Variants in FARS2 observed in about 807,000 individuals in gnomAD.
FARS2 encodes phenylalanine--tRNA ligase, mitochondrial.
FARS2 carries 40 observed loss-of-function variants against 46.4 expected under a neutral mutation model. The ratio of observed to expected loss-of-function variants is 0.86; its 90% CI spans 0.67 to 1.12. The LOEUF (loss-of-function observed/expected upper bound fraction) is 1.12, where lower values mean the gene tolerates loss of function less well. FARS2 is among the 50% of genes most tolerant of loss of function. FARS2 has a pLI of 0.00. For missense variants in FARS2, 513 were observed against 567.9 expected (o/e 0.90, Z 0.98); for synonymous variants, 234 against 214.9 (o/e 1.09, Z -0.78).
In FARS2 at chr6:5,723,645, C is replaced by T. The variant is rs189177944; in HGVS notation, c.1218-47646C>T. ...CCTTTCTTTATGTAACTGGGAAAAA[C>T]CAAGAATGAAGCAGGTTTGTTTTTG... On this transcript the variant is annotated intron_variant, in intron 6 of 6. Coordinates refer to ENST00000274680, the MANE Select transcript of FARS2 (RefSeq NM_006567.5). Among the ~76,000 whole-genome samples, 472 of 152,286 alleles carry T rather than the reference C, an allele frequency of 3.1e-3. 1 individual carries two copies. The highest frequency in any genetic ancestry group is 5.8e-3 in the Non-Finnish European group (397 of 68,012).
Position 5,289,652 on chromosome 6 carries a change from A to G in FARS2, c.-22+27992A>G, listed in dbSNP as rs1474395660. Among the ~76,000 whole-genome samples the G allele has an allele frequency of 2.0e-5, 3 of 152,208 alleles. No homozygotes were observed. In the East Asian group the frequency reaches 5.8e-4, roughly 29 times the overall value. ...GCCTGTGACCAGTCTGATTGGTTGC[A>G]GGAGGGGACTAATCAGAGGCTGAAG... On this transcript the variant is annotated intron_variant, in intron 1 of 6. Transcript: ENST00000274680.
At chr6:5,383,723 AT>A (rs2127673959) in intron 2 of FARS2, among the ~76,000 whole-genome samples, 1 of 149,540 alleles carries the variant, frequency 6.7e-6, no homozygotes, top group Non-Finnish European at 1.5e-5. Flanking sequence ...AATGTCAATT[AT>A]GTATCTTGTG....
chr6:5,414,446 A>G (rs1045185908), intron 3 of FARS2, among the ~76,000 whole-genome samples: 3 of 152,132 alleles, frequency 2.0e-5, no homozygotes, highest in Admixed American at 1.3e-4. Flanking sequence ...CTAGGTAACT[A>G]GTGATCTGCT....
intron 6 of FARS2, among the ~76,000 whole-genome samples, chr6:5,728,603 G>A (rs955692262): frequency 2.6e-5 from 4 of 152,188 alleles, no homozygotes; most frequent in African/African-American, 9.6e-5. Flanking sequence ...GCCGTGGATA[G>A]CTATAACTAG....
intron 4 of FARS2, among the ~76,000 whole-genome samples, chr6:5,444,436 C>CAG (rs1343602691): frequency 7.7e-6 from 1 of 129,352 alleles, no homozygotes; most frequent in Non-Finnish European, 1.5e-5. Context: ...CATTGCACTC[C>CAG]AGCCTGGGTG....
intron 4 of FARS2, among the ~76,000 whole-genome samples, chr6:5,461,381 T>TC (rs1469394682): frequency 6.6e-6 from 1 of 152,198 alleles, no homozygotes; most frequent in Non-Finnish European, 1.5e-5. Flanking sequence ...AGCCAGTTTT[T>TC]CTCCCTGGGA....
At chr6:5,547,978 G>T (rs1425829510) in intron 5 of FARS2, among the ~76,000 whole-genome samples, 1 of 152,250 alleles carries the variant, frequency 6.6e-6, no homozygotes, top group African/African-American at 2.4e-5. Context: ...GGAAGAAAAA[G>T]AGGTTTAATT....
intron 4 of FARS2, among the ~76,000 whole-genome samples, chr6:5,527,733 A>G (rs184699087): frequency 5.8e-4 from 88 of 152,356 alleles, no homozygotes; most frequent in Non-Finnish European, 9.8e-4. Context: ...ATTCAATTCA[A>G]GCAACTAAAA....
chr6:5,697,535 A>T (rs939621459), intron 6 of FARS2, among the ~76,000 whole-genome samples: 7 of 152,212 alleles, frequency 4.6e-5, no homozygotes, highest in African/African-American at 1.7e-4. Flanking sequence ...TGAGTATCCA[A>T]TGCAATACTC....
chr6:5,645,603 T>G (rs1777037743), intron 6 of FARS2, among the ~76,000 whole-genome samples: 1 of 152,208 alleles, frequency 6.6e-6, no homozygotes. Context: ...TTCCTCTGTG[T>G]GCATGAACTG....
At chr6:5,695,510 G>A (rs1199048437) in intron 6 of FARS2, among the ~76,000 whole-genome samples, 1 of 152,250 alleles carries the variant, frequency 6.6e-6, no homozygotes, top group Non-Finnish European at 1.5e-5. Flanking sequence ...CGTGCACTCA[G>A]TTGTAACCAC....
At chr6:5,423,801 C>T (rs1395831624) in intron 3 of FARS2, among the ~76,000 whole-genome samples, 1 of 152,128 alleles carries the variant, frequency 6.6e-6, no homozygotes, top group Non-Finnish European at 1.5e-5. Context: ...ATATATGGCG[C>T]TCTTAAAGAG....
intron 2 of FARS2, among the ~76,000 whole-genome samples, chr6:5,380,692 T>A (rs904243988): frequency 2.0e-5 from 3 of 152,168 alleles, no homozygotes; most frequent in African/African-American, 7.2e-5. Context: ...ACACTCTTGC[T>A]ATTTGACCAA....
intron 6 of FARS2, among the ~76,000 whole-genome samples, chr6:5,667,350 G>T (rs780308461): frequency 1.4e-4 from 22 of 151,866 alleles, no homozygotes; most frequent in Non-Finnish European, 2.5e-4. Flanking sequence ...AAACCCCATC[G>T]CTACTAAAAA....
intron 4 of FARS2, among the ~76,000 whole-genome samples, chr6:5,491,640 T>C (rs6900908): frequency 0.013 from 2,024 of 152,336 alleles, 47 homozygotes; most frequent in African/African-American, 0.047. Context: ...TGAGCGTTTC[T>C]TCTTCTGCAT....
chr6:5,667,047 A>G (rs1778163267), intron 6 of FARS2, among the ~76,000 whole-genome samples: 1 of 152,134 alleles, frequency 6.6e-6, no homozygotes, highest in South Asian at 2.1e-4. Flanking sequence ...ACTGGGGCCT[A>G]TCGGAGGGTG....
At chr6:5,740,503 T>TG (rs1322958929) in intron 6 of FARS2, among the ~76,000 whole-genome samples, 1 of 151,994 alleles carries the variant, frequency 6.6e-6, no homozygotes, top group East Asian at 1.9e-4. Flanking sequence ...AGTAAGGGTT[T>TG]TTTTTTTTTC....
chr6:5,546,258 T>G (rs1770982143), intron 5 of FARS2, among the ~76,000 whole-genome samples: 1 of 127,014 alleles, frequency 7.9e-6, no homozygotes, highest in Admixed American at 7.2e-5. Context: ...TTTTGTACTT[T>G]TTTTTTTTTT....
intron 4 of FARS2, among the ~76,000 whole-genome samples, chr6:5,521,703 A>T (rs536027118): frequency 1.8e-4 from 27 of 152,310 alleles, no homozygotes; most frequent in Admixed American, 1.7e-3. Flanking sequence ...AATTATAGGG[A>T]CTTGCAGAAC....
Sources: gnomAD v4.1 joint callset for allele counts (sites outside exome capture counted in the v4.1 genomes callset) on GRCh38, gnomAD v4.1.1 for gene constraint, MANE v1.5 for transcripts, NCBI Gene and HGNC (gene_info 2026-07-23, HGNC 2026-07-21) for gene names.